Variants in C1QL1 observed in about 807,000 individuals in gnomAD.
C1QL1 encodes the protein complement C1q like 1.
A neutral mutation model predicts 14.2 loss-of-function variants in C1QL1; 15 were observed. The observed-to-expected ratio is 1.06, with a 90% CI of 0.71 to 1.62. The LOEUF (loss-of-function observed/expected upper bound fraction) is 1.62. Ranked by LOEUF, C1QL1 falls within the 40% of genes most tolerant of loss-of-function variation. The pLI, the probability that C1QL1 is intolerant of heterozygous loss-of-function variation, is 0.00. For missense variants in C1QL1, 346 were observed against 380.3 expected, an observed-to-expected ratio of 0.91 and a Z score of 0.75; for synonymous variants, 172 against 172.4, an observed-to-expected ratio of 1.00 and a Z score of 0.02.
intron 1 of C1QL1, among the ~76,000 whole-genome samples, chr17:44,966,481 G>C (rs1303987955): frequency 1.3e-5 from 2 of 152,228 alleles, no homozygotes; most frequent in Admixed American, 6.5e-5. Flanking sequence ...AGGCCACCAC[G>C]AGTGAGAGCA....
intron 1 of C1QL1, among the ~76,000 whole-genome samples, chr17:44,965,159 C>A (rs931960980): frequency 7.2e-5 from 11 of 152,116 alleles, no homozygotes; most frequent in African/African-American, 2.7e-4. Context: ...ACTACAGGTG[C>A]CTGCCACCAC....
chr17:44,967,567 G>A lies in C1QL1; in HGVS notation c.482C>T (p.Ala161Val), dbSNP rs567512888. Residue 161 changes from alanine (A) to valine (V), a missense_variant, in exon 1 of 2, where the codon GCG (alanine) becomes GTG (valine). Transcript: ENST00000253407. The surrounding 1 kb of genome is among the most constrained non-coding windows in gnomAD (Gnocchi z 7.0). The part of the protein sequence containing the change: ...VVTNLGNNYD[A>V]ASGKFTCNIP... Reference sequence around the variant, plus strand: ...GTTGCACGTAAACTTGCCGCTGGCCGCGTCGTAGTTGTTGCCTAGGTTGGT... The same window carrying A: ...GTTGCACGTAAACTTGCCGCTGGCCACGTCGTAGTTGTTGCCTAGGTTGGT... The A allele has an allele frequency of 1.1e-5, 18 of 1,613,998 alleles. No individual in the cohort carries two copies. The South Asian group carries it at 2.0e-4, about 18-fold the overall frequency.
chr17:44,965,769 T>C (rs545424701), intron 1 of C1QL1, among the ~76,000 whole-genome samples: 1 of 152,342 alleles, frequency 6.6e-6, no homozygotes, highest in African/African-American at 2.4e-5. Flanking sequence ...TGTGGCCCAA[T>C]GACTGCCTCC....
In C1QL1 at chr17:44,967,447, C is replaced by A. The variant is rs748521200; in HGVS notation, c.597+5G>T. On this transcript the variant is annotated splice_donor_5th_base_variant and intron_variant, in intron 1 of 1. Transcript: ENST00000253407. This position sits in a 1 kb window ranked among gnomAD's most constrained non-coding sequence, Gnocchi z 7.0. ...AGCCCAGCCCCATGCCCCCGCCTGG[C>A]CCACCTGGCCATTCTTGCAGAGGTC... The A allele has an allele frequency of 3.7e-6, 6 of 1,612,766 alleles. No homozygotes were observed. The South Asian group carries it at 5.5e-5, about 15-fold the overall frequency.
chr17:44,963,574 C>T (rs559852706), intron 1 of C1QL1, among the ~76,000 whole-genome samples: 1 of 152,092 alleles, frequency 6.6e-6, no homozygotes, highest in Non-Finnish European at 1.5e-5. Context: ...AGGCACCCAC[C>T]ACCACACCCG....
At position 44,967,686 on chromosome 17, in the gene C1QL1, A is replaced by T; in HGVS notation, c.363T>A (p.Thr121=). Residue 121 remains threonine, a synonymous_variant, in exon 1 of 2, where the codon ACT becomes ACA. Coordinates refer to ENST00000253407, the MANE Select transcript of C1QL1 (RefSeq NM_006688.5). This position sits in a 1 kb window ranked among gnomAD's most constrained non-coding sequence, Gnocchi z 7.0. ...CGCGCGGCACCGTGGTGTAGGTGGC[A>T]GTGCTGATGGCGCCGCTGCCCCCCG... is the stretch of plus-strand genomic sequence containing the variant. The part of the protein sequence containing the change: ...PGAGGSGAIS[T]ATYTTVPRVA... 1 of 1,612,666 alleles carries T rather than the reference A, an allele frequency of 6.2e-7. No homozygotes were observed.
At chr17:44,966,944 T>C (rs2052660352) in intron 1 of C1QL1, among the ~76,000 whole-genome samples, 1 of 152,220 alleles carries the variant, frequency 6.6e-6, no homozygotes, top group Admixed American at 6.5e-5. Context: ...GCCAGGGCTG[T>C]AAGCACCGGG....
intron 1 of C1QL1, among the ~76,000 whole-genome samples, chr17:44,961,910 A>AG (rs1400802921): frequency 1.3e-3 from 168 of 129,716 alleles, no homozygotes; most frequent in African/African-American, 4.8e-3. Flanking sequence ...AAAAAAAAAA[A>AG]AGAGAGAGAG....
chr17:44,966,784 C>T (rs543590521), intron 1 of C1QL1, among the ~76,000 whole-genome samples: 1 of 127,798 alleles, frequency 7.8e-6, no homozygotes, highest in Admixed American at 7.8e-5. Flanking sequence ...CCCCTCCCCG[C>T]CTCAGGAGGA....
At chr17:44,964,202 C>T (rs2052643973) in intron 1 of C1QL1, among the ~76,000 whole-genome samples, 1 of 152,148 alleles carries the variant, frequency 6.6e-6, no homozygotes, top group South Asian at 2.1e-4. Context: ...AGCTCTGCCT[C>T]CCTAAAGAAA....
rs1347431221 is a variant in C1QL1 at position 44,963,322 on chromosome 17, ACTG to A, written c.598-2958_598-2956del. 6.0e-3 allele frequency among the ~76,000 whole-genome samples: 907 copies of A among 152,250 alleles called. 8 individuals are homozygous for A. Among genetic ancestry groups the A allele is most frequent in the African/African-American group, 0.021 (875 of 41,532 alleles). ...TCATACATACATTAACTGCATTCCC[ACTG>A]TGCCAGGCACTGTGCTCTGTGTTGT... On this transcript the variant is annotated intron_variant, in intron 1 of 1. Coordinates refer to ENST00000253407, the MANE Select transcript of C1QL1 (RefSeq NM_006688.5).
At chr17:44,963,680 C>T (rs1453729678) in intron 1 of C1QL1, among the ~76,000 whole-genome samples, 3 of 152,322 alleles carry the variant, frequency 2.0e-5, no homozygotes, top group Non-Finnish European at 4.4e-5. Flanking sequence ...CCCGCCTCAG[C>T]CTCCCAAAGT....
At position 44,960,090 on chromosome 17, in the gene C1QL1, G is replaced by A; in HGVS notation, c.*98C>T. 7 of 1,113,252 alleles carry A rather than the reference G, an allele frequency of 6.3e-6. No individual in the cohort carries two copies. The South Asian group carries it at 9.7e-5, about 15-fold the overall frequency. The allele number at this position is 1,113,252 out of a possible 1,614,324, so 69.0% of individuals were successfully genotyped here. On this transcript the variant is annotated 3_prime_UTR_variant, in exon 2 of 2. Coordinates refer to ENST00000253407, the MANE Select transcript of C1QL1 (RefSeq NM_006688.5). ...GGGGGCGTCATAGCCGGGGAGGGCC[G>A]GGCAGCGAGCGGGTGGGCGAGGGGC...
chr17:44,964,792 CCCCACTATTTCT>C (rs1838215001), intron 1 of C1QL1, among the ~76,000 whole-genome samples: 1 of 152,092 alleles, frequency 6.6e-6, no homozygotes, highest in Non-Finnish European at 1.5e-5. Context: ...GGGCTACGGG[CCCCACTATTTCT>C]CCTGGTTTTC....
At position 44,967,494 on chromosome 17, in the gene C1QL1, G is replaced by A. The variant is rs751537326; in HGVS notation, c.555C>T (p.Gly185=). 1.2e-6 allele frequency: 2 copies of A among 1,613,968 alleles called. No individual in the cohort carries two copies. The highest frequency in any genetic ancestry group is 2.2e-5 in the East Asian group (1 of 44,868). Residue 185 remains glycine, a synonymous_variant, in exon 1 of 2, where the codon GGC becomes GGT. Transcript: ENST00000253407. The surrounding 1 kb of genome is among the most constrained non-coding windows in gnomAD (Gnocchi z 7.0). ...GGTCTGCCCACATACTGGTGCCGTC[G>A]CCGCCGCGCATGAGGACATGGTAGG... ...FFTYHVLMRG[G]DGTSMWADLC... is the part of the protein sequence containing the mutation.
intron 1 of C1QL1, among the ~76,000 whole-genome samples, chr17:44,961,682 C>T (rs1255044586): frequency 1.3e-5 from 2 of 149,760 alleles, no homozygotes; most frequent in Non-Finnish European, 3.0e-5. Flanking sequence ...GTCAGGAGAT[C>T]GAGACCATCC....
chr17:44,962,621 G>T (rs1213548549), intron 1 of C1QL1, among the ~76,000 whole-genome samples: 1 of 152,178 alleles, frequency 6.6e-6, no homozygotes. Flanking sequence ...AGAGCTGAAA[G>T]CAAACAGCCA....
intron 1 of C1QL1, among the ~76,000 whole-genome samples, chr17:44,963,700 A>G (rs1268453253): frequency 6.6e-6 from 1 of 152,198 alleles, no homozygotes; most frequent in African/African-American, 2.4e-5. Flanking sequence ...TGCTGGGATT[A>G]CAGGCGTGAG....
rs1370684543 is a variant in C1QL1, at chr17:44,967,301, C to G, written c.597+151G>C. ...CGATGTCCGCTGGCTCCGACCATCC[C>G]CACACGTGATGACCAAGCGGGGCCG... On this transcript the variant is annotated intron_variant, in intron 1 of 1. Transcript: ENST00000253407. The surrounding 1 kb of genome is among the most constrained non-coding windows in gnomAD (Gnocchi z 7.0). 2 of 813,852 alleles carry G rather than the reference C, an allele frequency of 2.5e-6. No homozygotes were observed. Among genetic ancestry groups the G allele is most frequent in the South Asian group, 1.6e-5 (1 of 62,184 alleles). 50.4% of individuals were successfully genotyped at this position (813,852 alleles called of 1,614,324 possible). A position where few individuals can be genotyped will look rare whatever the true frequency, so the allele number is the denominator to read the frequency against.
Sources: allele counts gnomAD v4.1 joint callset (sites outside exome capture counted in the v4.1 genomes callset), GRCh38; gene constraint gnomAD v4.1.1; non-coding constraint Gnocchi (gnomAD v3.1); transcripts MANE v1.5; gene names NCBI Gene and HGNC (gene_info 2026-07-23, HGNC 2026-07-21).